Variants in FSIP2 observed in about 807,000 individuals in gnomAD.
FSIP2 encodes the protein fibrous sheath interacting protein 2.
In FSIP2, 367 loss-of-function variants were observed where a neutral mutation model predicts 510.5. The observed-to-expected ratio is 0.72, with a 90% CI of 0.66 to 0.78. The LOEUF is 0.78. Among genes scored for constraint, FSIP2 ranks in the 30% least tolerant of loss-of-function variants. The pLI is 0.00. For synonymous variants in FSIP2, 2,601 were observed against 2,732.2 expected (o/e 0.95, Z 1.50); for missense variants, 7,594 against 7,901.7 (o/e 0.96, Z 1.48).
At chr2:185,747,459 G>A (rs1057189247) in intron 7 of FSIP2, 36 bp downstream of exon 7, 29 of 1,194,732 alleles carry the variant, frequency 2.4e-5, no homozygotes, top group African/African-American at 1.8e-4. Flanking sequence ...TGAGCTGTTC[G>A]AAGAGAAGAT....
chr2:185,825,394 G>C (rs1332367039), intron 20 of FSIP2, among the ~76,000 whole-genome samples: 1 of 151,726 alleles, frequency 6.6e-6, no homozygotes, highest in Non-Finnish European at 1.5e-5. Context: ...CAAAAACAGA[G>C]TCCAGTACAG....
chr2:185,831,764 GT>G (rs1406742355), intron 21 of FSIP2, 48 bp from the exon 22 acceptor site: 1 of 1,195,948 alleles, frequency 8.4e-7, no homozygotes, highest in African/African-American at 1.5e-5. Context: ...TATATCTAGT[GT>G]TTGTGTCCAG....
In FSIP2 at chr2:185,794,655, C is replaced by T; in HGVS notation, c.7519C>T (p.Pro2507Ser). The change falls in exon 16 of 23, where the codon CCA (proline) becomes TCA (serine). Residue 2507 changes from proline to serine, a missense_variant. Pro to Ser is a moderately conservative substitution (Grantham distance 74). Transcript: ENST00000424728. Reference protein sequence around the residue: ...RVREVTGHLPPLNETANFISN... With the variant: ...RVREVTGHLPSLNETANFISN... Reference sequence around the variant, plus strand: ...AAGGGAAGTCACAGGCCATTTGCCTCCACTTAATGAAACTGCCAACTTTAT... The same window carrying T: ...AAGGGAAGTCACAGGCCATTTGCCTTCACTTAATGAAACTGCCAACTTTAT... 1.3e-6 allele frequency: 2 copies of T among 1,532,892 alleles called. No individual in the cohort carries two copies. Among genetic ancestry groups the T allele is most frequent in the Non-Finnish European group, 1.7e-6 (2 of 1,145,342 alleles). The allele number at this position is 1,532,892 out of a possible 1,614,324, so 95.0% of individuals were successfully genotyped here. A position where few individuals can be genotyped will look rare whatever the true frequency, so the allele number is the denominator to read the frequency against.
chr2:185,738,982 C>A lies in FSIP2; in HGVS notation c.88C>A (p.Gln30Lys). Reference protein sequence around the residue: ...VASVLAADTQQCRDGVHKTHF... With the variant: ...VASVLAADTQKCRDGVHKTHF... ...CAGCGTCCTGGCCGCGGACACCCAG[C>A]AGTGCAGAGACGTGAGTGGCCGCAA... Residue 30 changes from glutamine (Q) to lysine (K), a missense_variant, in exon 1 of 23, where the codon CAG (glutamine) becomes AAG (lysine). Physicochemically the swap from Gln to Lys is moderately conservative, Grantham distance 53 (BLOSUM62 1). Transcript: ENST00000424728. 1 of 1,533,368 alleles carries A rather than the reference C, an allele frequency of 6.5e-7. No individual in the cohort carries two copies. The allele number at this position is 1,533,368 out of a possible 1,614,324, so 95.0% of individuals were successfully genotyped here. A position where few individuals can be genotyped will look rare whatever the true frequency, so the allele number is the denominator to read the frequency against.
In FSIP2 at chr2:185,790,273, A is replaced by G; in HGVS notation, c.3137A>G (p.Lys1046Arg). ...AAGGGAAACACTTGTTTTGAATGCA[A>G]AAGAAATATCAAACCACCTACAAAG... ...FTKGNTCFECKRNIKPPTKPG... is the reference protein window; with the variant it reads ...FTKGNTCFECRRNIKPPTKPG... The change falls in exon 16 of 23, where the codon AAA becomes AGA. Residue 1046 changes from lysine to arginine, a missense_variant. Lys to Arg is a conservative substitution (Grantham distance 26). Transcript: ENST00000424728. 2.0e-6 allele frequency: 3 copies of G among 1,533,562 alleles called. No homozygotes were observed. The highest frequency in any genetic ancestry group is 2.6e-6 in the Non-Finnish European group (3 of 1,145,344). The allele number at this position is 1,533,562 out of a possible 1,614,324, so 95.0% of individuals were successfully genotyped here.
chr2:185,806,139 G>T lies in FSIP2; in HGVS notation c.16833G>T (p.Lys5611Asn). Residue 5611 changes from lysine (K) to asparagine (N), a missense_variant, in exon 17 of 23, where the codon AAG (lysine) becomes AAT (asparagine). Lys to Asn is a moderately conservative substitution (Grantham distance 94, BLOSUM62 0). Transcript: ENST00000424728. ...GSDSEIGYKKKIDNARESSFK... is the reference protein window; with the variant it reads ...GSDSEIGYKKNIDNARESSFK... ...ATTCTGAAATAGGCTATAAAAAGAA[G>T]ATTGACAATGCAAGGGAAAGCTCAT... 1 of 1,575,764 alleles carries T rather than the reference G, an allele frequency of 6.3e-7. No individual in the cohort carries two copies. The highest frequency in any genetic ancestry group is 8.6e-7 in the Non-Finnish European group (1 of 1,167,828).
At chr2:185,798,177 T>C (rs867996909) in intron 16 of FSIP2, among the ~76,000 whole-genome samples, 1 of 152,074 alleles carries the variant, frequency 6.6e-6, no homozygotes, top group East Asian at 1.9e-4. Context: ...AAAATTCTTA[T>C]GCATAACTTC....
At chr2:185,739,610 G>T in intron 2 of FSIP2, 139 bp downstream of exon 2, 1 of 751,756 alleles carries the variant, frequency 1.3e-6, no homozygotes, top group African/African-American at 1.8e-5. Flanking sequence ...TCTGACCGAA[G>T]GTATTGTTTA....
At chr2:185,776,742 T>C (rs1692733248) in intron 13 of FSIP2, among the ~76,000 whole-genome samples, 1 of 152,128 alleles carries the variant, frequency 6.6e-6, no homozygotes. Context: ...ATTTTTATTA[T>C]TATTATTTTG....
intron 13 of FSIP2, among the ~76,000 whole-genome samples, chr2:185,771,356 A>T (rs2887762): frequency 2.0e-5 from 3 of 152,102 alleles, no homozygotes; most frequent in Admixed American, 1.3e-4. Context: ...TTCTGCCTGG[A>T]CATCCTGCCT....
chr2:185,795,824 T>C lies in FSIP2; in HGVS notation c.8688T>C (p.Tyr2896=), dbSNP rs1693257468. ...PPLENCESRF[Y]NHFKGASTRA... ...TTGAGAATTGTGAAAGCAGGTTTTATAATCATTTTAAAGGAGCTTCTACTA... is the reference window on the plus strand; with the variant it reads ...TTGAGAATTGTGAAAGCAGGTTTTACAATCATTTTAAAGGAGCTTCTACTA... Residue 2896 remains tyrosine (Y), a synonymous_variant, in exon 16 of 23, where the codon TAT becomes TAC. Coordinates refer to ENST00000424728, the MANE Select transcript of FSIP2 (RefSeq NM_173651.4). 1.3e-6 allele frequency: 2 copies of C among 1,533,850 alleles called. No homozygotes were observed. The highest frequency in any genetic ancestry group is 2.4e-5 in the South Asian group (2 of 83,786).
At position 185,807,033 on chromosome 2, in the gene FSIP2, C is replaced by T. The variant is rs1276012061; in HGVS notation, c.17727C>T (p.Asp5909=). The change falls in exon 17 of 23, where the codon GAC becomes GAT. Residue 5909 remains aspartate (D), a synonymous_variant. Transcript: ENST00000424728. ...KPSSDKIPSI[D]KTLVNKVVHS... ...CTTCAGATAAGATACCATCAATTGA[C>T]AAAACATTGGTCAATAAAGTTGTTC... 6.3e-7 allele frequency: 1 copy of T among 1,595,076 alleles called. No individual in the cohort carries two copies. Among genetic ancestry groups the T allele is most frequent in the East Asian group, 2.2e-5 (1 of 44,734 alleles).
At chr2:185,769,557 C>T (rs915925297) in intron 13 of FSIP2, among the ~76,000 whole-genome samples, 10 of 151,890 alleles carry the variant, frequency 6.6e-5, no homozygotes, top group African/African-American at 2.2e-4. Flanking sequence ...AATATTTTTT[C>T]CCATTTTCTA....
rs1490979675 is a variant in FSIP2, at chr2:185,795,171, A to G, written c.8035A>G (p.Lys2679Glu). The G allele has an allele frequency of 1.8e-5, 27 of 1,534,732 alleles. No individual in the cohort carries two copies. In the Admixed American group the frequency reaches 5.1e-4, roughly 29 times the overall value. ...TACCACTTTGCCTAAATTTACAAAAAAAACACACTTAGGACTGAGTGCTGC... is the reference window on the plus strand; with the variant it reads ...TACCACTTTGCCTAAATTTACAAAAGAAACACACTTAGGACTGAGTGCTGC... Reference protein sequence around the residue: ...KITTLPKFTKKTHLGLSAAKA... With the variant: ...KITTLPKFTKETHLGLSAAKA... Residue 2679 changes from lysine (K) to glutamate (E), a missense_variant, in exon 16 of 23, where the codon AAA becomes GAA. Physicochemically the swap from Lys to Glu is moderately conservative, Grantham distance 56 (BLOSUM62 1). Coordinates refer to ENST00000424728, the MANE Select transcript of FSIP2 (RefSeq NM_173651.4).
intron 13 of FSIP2, among the ~76,000 whole-genome samples, chr2:185,767,840 C>A (rs1239170512): frequency 6.6e-6 from 1 of 152,124 alleles, no homozygotes; most frequent in Non-Finnish European, 1.5e-5. Context: ...ATCTCTTCAA[C>A]ATACTGAAAA....
At chr2:185,814,141 A>T in intron 18 of FSIP2, 99 bp downstream of exon 18, 1 of 1,202,974 alleles carries the variant, frequency 8.3e-7, no homozygotes, top group Non-Finnish European at 1.2e-6. Flanking sequence ...GAATGCTAAA[A>T]TGAATTCAAT....
intron 20 of FSIP2, among the ~76,000 whole-genome samples, chr2:185,826,060 G>C (rs1694008413): frequency 6.6e-6 from 1 of 151,766 alleles, no homozygotes; most frequent in Non-Finnish European, 1.5e-5. Flanking sequence ...ATAACATTCT[G>C]TACAGGCTTG....
In FSIP2 at chr2:185,804,558, G is replaced by C. The variant is rs567964724; in HGVS notation, c.15252G>C (p.Ser5084=). 2 of 1,527,494 alleles carry C rather than the reference G, an allele frequency of 1.3e-6. No individual in the cohort carries two copies. Among genetic ancestry groups the C allele is most frequent in the Non-Finnish European group, 1.7e-6 (2 of 1,142,988 alleles). The allele number at this position is 1,527,494 out of a possible 1,614,324, so 94.6% of individuals were successfully genotyped here. ...VSGELESSSY[S]YPQADNIIRN... ...GAGAATTAGAGTCTTCTTCTTATTC[G>C]TATCCCCAAGCTGATAATATCATCA... is the stretch of plus-strand genomic sequence containing the variant. Residue 5084 remains serine (S), a synonymous_variant, in exon 17 of 23, where the codon TCG becomes TCC. Coordinates refer to ENST00000424728, the MANE Select transcript of FSIP2 (RefSeq NM_173651.4).
chr2:185,760,858 C>A, intron 9 of FSIP2, 130 bp from the exon 10 acceptor site: 1 of 488,720 alleles, frequency 2.0e-6, no homozygotes. Flanking sequence ...GTGATGGTTT[C>A]ACAGTTGGAT....
Sources: gnomAD v4.1 joint callset for allele counts (sites outside exome capture counted in the v4.1 genomes callset) on GRCh38, gnomAD v4.1.1 for gene constraint, MANE v1.5 for transcripts, NCBI Gene and HGNC (gene_info 2026-07-23, HGNC 2026-07-21) for gene names.